Variants in IPO13 observed in about 807,000 individuals in gnomAD.
The protein encoded by IPO13 is importin 13, also known as importin-13.
Under a neutral mutation model 115.5 loss-of-function variants are expected in IPO13, and 28 were observed. The ratio of observed to expected loss-of-function variants is 0.24; its 90% CI spans 0.18 to 0.33. IPO13 has a LOEUF of 0.33. Among genes scored for constraint, IPO13 ranks in the 10% least tolerant of loss-of-function variants. The probability of loss-of-function intolerance (pLI) is 1.00; values close to 1 mark genes in which losing one functional copy is unlikely to be tolerated. For synonymous variants in IPO13, 414 were observed against 478.9 expected (o/e 0.86, Z 1.77); for missense variants, 785 against 1,204.6 (o/e 0.65, Z 5.16).
intron 14 of IPO13, 56 bp from the exon 15 acceptor site, chr1:43,964,213 G>C: frequency 1.6e-6 from 2 of 1,213,564 alleles, no homozygotes; most frequent in Non-Finnish European, 2.4e-6. Flanking sequence ...AACTATATGA[G>C]GTTGAGTTGC....
At position 43,949,536 on chromosome 1, in the gene IPO13, C is replaced by T. The variant is rs772125439; in HGVS notation, c.204C>T (p.Pro68=). The T allele has an allele frequency of 1.9e-5, 31 of 1,614,068 alleles. No individual in the cohort carries two copies. The highest frequency in any genetic ancestry group is 2.5e-5 in the Non-Finnish European group (29 of 1,180,040). Residue 68 remains proline, a synonymous_variant, in exon 2 of 20, where the codon CCC becomes CCT. Coordinates refer to ENST00000372343, the MANE Select transcript of IPO13 (RefSeq NM_014652.4). Reference sequence around the variant, plus strand: ...ACTTCAGCTGGCAGCTACTGCAGCCCGACAAGGTACCAGAGATCCAGTACT... The same window carrying T: ...ACTTCAGCTGGCAGCTACTGCAGCCTGACAAGGTACCAGAGATCCAGTACT... ...AWHFSWQLLQ[P]DKVPEIQYFG...
chr1:43,961,061 G>A (rs1395038941), intron 13 of IPO13, 48 bp downstream of exon 13: 1 of 1,612,080 alleles, frequency 6.2e-7, no homozygotes, highest in Admixed American at 1.7e-5. Flanking sequence ...GTGGGGGTGG[G>A]TCAGATGGCT....
At chr1:43,954,891 A>T (rs948952438) in intron 2 of IPO13, among the ~76,000 whole-genome samples, 1 of 152,130 alleles carries the variant, frequency 6.6e-6, no homozygotes, top group Non-Finnish European at 1.5e-5. Context: ...AACTCTTTCT[A>T]GATGCTTCTG....
At chr1:43,964,887 A>G (rs2085311775) in intron 15 of IPO13, among the ~76,000 whole-genome samples, 2 of 152,146 alleles carry the variant, frequency 1.3e-5, no homozygotes, top group Non-Finnish European at 2.9e-5. Context: ...TATGTGTTTC[A>G]GTGTGTGAGA....
chr1:43,956,537 G>T lies in IPO13; in HGVS notation c.963-23G>T. 1 of 1,614,128 alleles carries T rather than the reference G, an allele frequency of 6.2e-7. No homozygotes were observed. The highest frequency in any genetic ancestry group is 1.1e-5 in the South Asian group (1 of 91,074). On this transcript the variant is annotated intron_variant, in intron 3 of 19. Coordinates refer to ENST00000372343, the MANE Select transcript of IPO13 (RefSeq NM_014652.4). The surrounding 1 kb of genome is among the most constrained non-coding windows in gnomAD (Gnocchi z 4.7). ...GGTTCTGGAAGTCCCTGGAAAGGTA[G>T]AATGACCTGACTCTCTCCCCAGGGC...
In IPO13 at chr1:43,958,689, A is replaced by G. The variant is rs2085269074; in HGVS notation, c.1885-57A>G. The G allele has an allele frequency of 1.9e-6, 3 of 1,612,894 alleles. No homozygotes were observed. Among genetic ancestry groups the G allele is most frequent in the Non-Finnish European group, 2.5e-6 (3 of 1,179,186 alleles). On this transcript the variant is annotated intron_variant, in intron 10 of 19. Coordinates refer to ENST00000372343, the MANE Select transcript of IPO13 (RefSeq NM_014652.4). The surrounding 1 kb of genome is among the most constrained non-coding windows in gnomAD (Gnocchi z 6.3). ...TGGCCCTCAGAGCTGAGGCTCAGTGATCTGGGGACCAAACTGGGGCTGGGA... is the reference window on the plus strand; with the variant it reads ...TGGCCCTCAGAGCTGAGGCTCAGTGGTCTGGGGACCAAACTGGGGCTGGGA...
At chr1:43,964,406 G>A (rs2085308735) in intron 15 of IPO13, 85 bp downstream of exon 15, 1 of 1,189,610 alleles carries the variant, frequency 8.4e-7, no homozygotes, top group South Asian at 1.3e-5. Context: ...CCTATTTTTA[G>A]CTTTCTGTTG....
chr1:43,967,423 C>T lies in IPO13; in HGVS notation c.2722C>T (p.Leu908=). The change falls in exon 19 of 20, where the codon CTG becomes TTG. Residue 908 remains leucine, a synonymous_variant. Transcript: ENST00000372343. This position sits in a 1 kb window ranked among gnomAD's most constrained non-coding sequence, Gnocchi z 6.1. ...SLLSMWIKEA[L]QPPGFPSARL... is the part of the protein sequence containing the mutation. Reference sequence around the variant, plus strand: ...CCTGAGCATGTGGATCAAGGAGGCCCTGCAGCCACCTGGTTTCCCCTCTGC... The same window carrying T: ...CCTGAGCATGTGGATCAAGGAGGCCTTGCAGCCACCTGGTTTCCCCTCTGC... 1 of 1,614,174 alleles carries T rather than the reference C, an allele frequency of 6.2e-7. No homozygotes were observed. Among genetic ancestry groups the T allele is most frequent in the East Asian group, 2.2e-5 (1 of 44,872 alleles).
chr1:43,965,562 G>A (rs562807418), intron 15 of IPO13, among the ~76,000 whole-genome samples: 1 of 152,232 alleles, frequency 6.6e-6, no homozygotes, highest in South Asian at 2.1e-4. Context: ...TGTTGGAAGA[G>A]TGCACAGGGG....
chr1:43,953,975 T>G (rs536826041), intron 2 of IPO13, among the ~76,000 whole-genome samples: 1 of 152,378 alleles, frequency 6.6e-6, no homozygotes, highest in South Asian at 2.1e-4. Context: ...TATGATACTC[T>G]GAGCTCTTTG....
chr1:43,967,843 G>T lies in IPO13; in HGVS notation c.*161G>T. 1.5e-6 allele frequency: 1 copy of T among 684,984 alleles called. No homozygotes were observed. The highest frequency in any genetic ancestry group is 2.5e-6 in the Non-Finnish European group (1 of 395,348). 42.4% of individuals were successfully genotyped at this position (684,984 alleles called of 1,614,324 possible). ...TGGGGGAAGGATGGGAGGATGCTTG[G>T]ACCCAGGCCTTGGGAGGGAATGGTG... On this transcript the variant is annotated 3_prime_UTR_variant, in exon 20 of 20. Coordinates refer to ENST00000372343, the MANE Select transcript of IPO13 (RefSeq NM_014652.4). This position sits in a 1 kb window ranked among gnomAD's most constrained non-coding sequence, Gnocchi z 6.1.
intron 15 of IPO13, chr1:43,965,808 G>A (rs908893652): frequency 7.2e-5 from 11 of 153,554 alleles, no homozygotes; most frequent in Admixed American, 3.9e-4. Flanking sequence ...AGAGGTCTAT[G>A]TGGTATGCAC....
At chr1:43,947,907 G>C (rs2154301987) in intron 1 of IPO13, among the ~76,000 whole-genome samples, 1 of 152,326 alleles carries the variant, frequency 6.6e-6, no homozygotes, top group South Asian at 2.1e-4. Flanking sequence ...CTAGGGTCTT[G>C]GGATGGTCCC....
intron 5 of IPO13, 59 bp downstream of exon 5, chr1:43,957,035 G>A: frequency 6.3e-7 from 1 of 1,588,158 alleles, no homozygotes; most frequent in Admixed American, 1.7e-5. Flanking sequence ...AGGCAATGAG[G>A]GAAGGGGCCC....
In IPO13 at chr1:43,952,737, G is replaced by A. The variant is rs2085217802; in HGVS notation, c.821+2584G>A. Among the ~76,000 whole-genome samples the A allele has an allele frequency of 6.6e-6, 1 of 152,168 alleles. No individual in the cohort carries two copies. Among genetic ancestry groups the A allele is most frequent in the Non-Finnish European group, 1.5e-5 (1 of 68,032 alleles). ...GAAACTTTAAATAAAATATTGGGTT[G>A]ATTTTAAAAAATAAAAGATTGTTTC... On this transcript the variant is annotated intron_variant, in intron 2 of 19. Coordinates refer to ENST00000372343, the MANE Select transcript of IPO13 (RefSeq NM_014652.4). This position sits in a 1 kb window ranked among gnomAD's most constrained non-coding sequence, Gnocchi z 4.7.
intron 12 of IPO13, 119 bp from the exon 13 acceptor site, chr1:43,960,757 C>T: frequency 7.5e-7 from 1 of 1,327,540 alleles, no homozygotes; most frequent in Non-Finnish European, 1.0e-6. Context: ...CCTTGGTTTG[C>T]AGGGCCAGGC....
rs1453690978 is a variant in IPO13 at position 43,949,809 on chromosome 1, G to A, written c.477G>A (p.Gly159=). The part of the protein sequence containing the change: ...LFQAEDSPVD[G]QGRCLALLEL... ...AGGCTGAGGACTCACCAGTGGATGG[G>A]CAGGGCCGCTGCCTAGCCCTGTTAG... Residue 159 remains glycine (G), a synonymous_variant, in exon 2 of 20, where the codon GGG becomes GGA. Transcript: ENST00000372343. 6.2e-7 allele frequency: 1 copy of A among 1,613,934 alleles called. No homozygotes were observed. Among genetic ancestry groups the A allele is most frequent in the South Asian group, 1.1e-5 (1 of 91,056 alleles).
chr1:43,960,389 A>G, intron 12 of IPO13, 60 bp downstream of exon 12: 1 of 1,415,582 alleles, frequency 7.1e-7, no homozygotes, highest in African/African-American at 1.4e-5. Context: ...TAGCAGGGTA[A>G]GATGTTACTG....
At chr1:43,947,744 T>C (rs2085177484) in intron 1 of IPO13, 60 bp downstream of exon 1, 1 of 1,000,694 alleles carries the variant, frequency 1.0e-6, no homozygotes, top group Admixed American at 4.3e-5. Context: ...GGACTGTCAC[T>C]GATGGCAGAG....
Sources: gnomAD v4.1 joint callset for allele counts (sites outside exome capture counted in the v4.1 genomes callset) on GRCh38, gnomAD v4.1.1 for gene constraint, Gnocchi (gnomAD v3.1) non-coding constraint, MANE v1.5 for transcripts, NCBI Gene and HGNC (gene_info 2026-07-23, HGNC 2026-07-21) for gene names.